NAALADL2: variants seen among roughly 807,000 people sequenced by gnomAD.
NAALADL2 encodes the protein N-acetylated alpha-linked acidic dipeptidase like 2.
NAALADL2 carries 76 observed loss-of-function variants against 87.2 expected under a neutral mutation model. The ratio of observed to expected loss-of-function variants is 0.87; its 90% confidence interval spans 0.72 to 1.05. The LOEUF (loss-of-function observed/expected upper bound fraction) is 1.05, where lower values mean the gene tolerates loss of function less well. Ranked by LOEUF, NAALADL2 falls within the 50% of genes least tolerant of loss-of-function variation. NAALADL2 has a pLI of 0.00. For synonymous variants in NAALADL2, 354 were observed against 331.0 expected, an observed-to-expected ratio of 1.07 and a Z score of -0.75; for missense variants, 1,089 against 945.8, an observed-to-expected ratio of 1.15 and a Z score of -1.99.
At chr3:174,734,344 A>G (rs967722032) in intron 2 of NAALADL2, among the ~76,000 whole-genome samples, 1 of 152,202 alleles carries the variant, frequency 6.6e-6, no homozygotes, top group African/African-American at 2.4e-5. Context: ...ATTGAACTAA[A>G]GAGTTTATTT....
At position 175,133,005 on chromosome 3, in the gene NAALADL2, C is replaced by T. The variant is rs548429483; in HGVS notation, c.545+35714C>T. ...GCAGAGACGCTCCTCACCTCCCAGA[C>T]GGAGTCGCAGCCAGGTAGAGGCACT... On this transcript the variant is annotated intron_variant, in intron 2 of 13. Transcript: ENST00000454872. Among the ~76,000 whole-genome samples the T allele has an allele frequency of 1.0e-3, 155 of 150,746 alleles. 2 individuals carry two copies. The highest frequency in any genetic ancestry group is 3.3e-3 in the African/African-American group (135 of 40,854).
At chr3:175,111,802 G>A (rs1724238346) in intron 2 of NAALADL2, among the ~76,000 whole-genome samples, 1 of 151,542 alleles carries the variant, frequency 6.6e-6, no homozygotes, top group Non-Finnish European at 1.5e-5. Flanking sequence ...ATTCCCTGTA[G>A]TGCCAGTACT....
intron 2 of NAALADL2, among the ~76,000 whole-genome samples, chr3:174,625,099 C>G (rs950374974): frequency 2.4e-5 from 3 of 124,854 alleles, no homozygotes; most frequent in Non-Finnish European, 4.7e-5. Context: ...TTCTCTGTCA[C>G]CTGGGCTAGA....
At chr3:175,590,792 T>C (rs182857835) in intron 10 of NAALADL2, among the ~76,000 whole-genome samples, 71 of 152,274 alleles carry the variant, frequency 4.7e-4, no homozygotes, top group Middle Eastern at 6.8e-3. Flanking sequence ...GGAGAGAGGA[T>C]ACAATGAAAA....
At chr3:174,736,196 C>G (rs949142383) in intron 2 of NAALADL2, among the ~76,000 whole-genome samples, 3 of 152,132 alleles carry the variant, frequency 2.0e-5, no homozygotes, top group Non-Finnish European at 4.4e-5. Context: ...AGGTCCACAG[C>G]TCTTCTCTTC....
intron 11 of NAALADL2, among the ~76,000 whole-genome samples, chr3:175,630,061 G>A (rs1374780206): frequency 6.6e-6 from 1 of 151,688 alleles, no homozygotes; most frequent in East Asian, 1.9e-4. Flanking sequence ...CTTACCCAAT[G>A]TTGATTCTGT....
At chr3:175,317,749 T>C (rs1210310718) in intron 4 of NAALADL2, among the ~76,000 whole-genome samples, 2 of 152,230 alleles carry the variant, frequency 1.3e-5, no homozygotes, top group African/African-American at 2.4e-5. Context: ...AATTAAAATA[T>C]ATGTTTTTGA....
At chr3:174,929,498 T>G (rs975288712) in intron 1 of NAALADL2, among the ~76,000 whole-genome samples, 14 of 152,190 alleles carry the variant, frequency 9.2e-5, no homozygotes, top group Non-Finnish European at 1.5e-4. Flanking sequence ...TAGAATCATC[T>G]TTTAGAGCAT....
Position 175,598,150 on chromosome 3 carries a change from G to T in NAALADL2, c.1800+21963G>T, listed in dbSNP as rs149178859. ...TACTAATTATTTTATAAATCATCAA[G>T]ACTTTGTAAAACAGTCTTGTTTTGA... On this transcript the variant is annotated intron_variant, in intron 10 of 13. Coordinates refer to ENST00000454872, the MANE Select transcript of NAALADL2 (RefSeq NM_207015.3). Among the ~76,000 whole-genome samples the T allele has an allele frequency of 1.2e-3, 178 of 151,942 alleles. 1 individual carries two copies. In the East Asian group the frequency reaches 0.032, roughly 28 times the overall value.
intron 11 of NAALADL2, among the ~76,000 whole-genome samples, chr3:175,664,704 A>G (rs1732717495): frequency 6.6e-6 from 1 of 152,164 alleles, no homozygotes; most frequent in African/African-American, 2.4e-5. Flanking sequence ...TTAAATTATT[A>G]TAAGCCTTTT....
At chr3:174,544,568 T>G (rs1360322013) in intron 1 of NAALADL2, among the ~76,000 whole-genome samples, 5 of 65,144 alleles carry the variant, frequency 7.7e-5, no homozygotes, top group African/African-American at 5.8e-4. Context: ...TTTTGTTTTC[T>G]TTTTTTTTTT....
chr3:175,339,431 T>G (rs1375544083), intron 5 of NAALADL2, among the ~76,000 whole-genome samples: 1 of 152,208 alleles, frequency 6.6e-6, no homozygotes, highest in Non-Finnish European at 1.5e-5. Flanking sequence ...ATCTTAGAGG[T>G]TATAAATACA....
intron 2 of NAALADL2, among the ~76,000 whole-genome samples, chr3:174,595,863 T>G (rs1412304999): frequency 6.6e-6 from 1 of 151,782 alleles, no homozygotes; most frequent in African/African-American, 2.4e-5. Flanking sequence ...ATACAAAAAA[T>G]TAGCTGGGTG....
At chr3:174,625,385 A>G (rs1721472756) in intron 2 of NAALADL2, among the ~76,000 whole-genome samples, 3 of 152,142 alleles carry the variant, frequency 2.0e-5, no homozygotes, top group Admixed American at 1.3e-4. Context: ...TAATGGCTGT[A>G]CACAGAAAAT....
At chr3:175,139,132 G>C (rs1296029668) in intron 2 of NAALADL2, among the ~76,000 whole-genome samples, 1 of 151,190 alleles carries the variant, frequency 6.6e-6, no homozygotes, top group Non-Finnish European at 1.5e-5. Flanking sequence ...AAAATCTCCA[G>C]GTGGAAATTA....
intron 3 of NAALADL2, among the ~76,000 whole-genome samples, chr3:175,244,175 A>G (rs1011171829): frequency 6.6e-6 from 1 of 152,146 alleles, no homozygotes; most frequent in Non-Finnish European, 1.5e-5. Context: ...GTGTCTTATA[A>G]TAGTTTTATT....
chr3:174,963,286 C>T (rs1560418345), intron 1 of NAALADL2, among the ~76,000 whole-genome samples: 1 of 151,840 alleles, frequency 6.6e-6, no homozygotes, highest in African/African-American at 2.4e-5. Flanking sequence ...TCATGGTAAA[C>T]TTTTATAGGA....
At chr3:175,061,613 A>G (rs976169959) in intron 1 of NAALADL2, among the ~76,000 whole-genome samples, 1 of 151,992 alleles carries the variant, frequency 6.6e-6, no homozygotes, top group Non-Finnish European at 1.5e-5. Context: ...CCAAATTTGA[A>G]TCAAAAATAT....
intron 9 of NAALADL2, among the ~76,000 whole-genome samples, chr3:175,525,103 TA>T (rs1733204665): frequency 6.6e-6 from 1 of 152,132 alleles, no homozygotes; most frequent in Non-Finnish European, 1.5e-5. Flanking sequence ...TTGTTAGATA[TA>T]GACATATAAA....
Sources: allele counts gnomAD v4.1 joint callset (sites outside exome capture counted in the v4.1 genomes callset), GRCh38; gene constraint gnomAD v4.1.1; transcripts MANE v1.5; gene names NCBI Gene and HGNC (gene_info 2026-07-23, HGNC 2026-07-21).